BCLAF1: variants seen among roughly 807,000 people sequenced by gnomAD.
BCLAF1 encodes the protein bcl-2-associated transcription factor 1.
A neutral mutation model predicts 99.5 loss-of-function variants in BCLAF1; 10 were observed. That is an observed-to-expected ratio of 0.10 (90% CI 0.06 to 0.17). BCLAF1 has a LOEUF of 0.17. Among genes scored for constraint, BCLAF1 ranks in the 10% least tolerant of loss-of-function variants. The probability of loss-of-function intolerance (pLI) is 1.00; values close to 1 mark genes in which losing one functional copy is unlikely to be tolerated. For missense variants in BCLAF1, 636 were observed against 1,105.8 expected, an observed-to-expected ratio of 0.58 and a Z score of 6.02; for synonymous variants, 255 against 370.9, an observed-to-expected ratio of 0.69 and a Z score of 3.59.
intron 3 of BCLAF1, among the ~76,000 whole-genome samples, chr6:136,279,097 A>G (rs781641658): frequency 4.6e-5 from 7 of 152,046 alleles, no homozygotes; most frequent in Non-Finnish European, 1.0e-4. Flanking sequence ...AAGCACTTAA[A>G]TTGATGTTGT....
At position 136,277,714 on chromosome 6, in the gene BCLAF1, T is replaced by C. The variant is rs534219668; in HGVS notation, c.1016+151A>G. On this transcript the variant is annotated intron_variant, in intron 4 of 12. Coordinates refer to ENST00000531224, the MANE Select transcript of BCLAF1 (RefSeq NM_014739.3). Reference sequence around the variant, plus strand: ...GCTTCCAAAGTTCACCAGATAAGAGTAAAAACAATTTGGAATTATCTTAAA... The same window carrying C: ...GCTTCCAAAGTTCACCAGATAAGAGCAAAAACAATTTGGAATTATCTTAAA... The C allele has an allele frequency of 9.2e-6, 10 of 1,082,872 alleles. No homozygotes were observed. The Admixed American group carries it at 2.1e-4, about 23-fold the overall frequency. 67.1% of individuals were successfully genotyped at this position (1,082,872 alleles called of 1,614,324 possible). A position where few individuals can be genotyped will look rare whatever the true frequency, so the allele number is the denominator to read the frequency against.
chr6:136,287,177 G>C, intron 1 of BCLAF1, among the ~76,000 whole-genome samples: 1 of 151,896 alleles, frequency 6.6e-6, no homozygotes, highest in Non-Finnish European at 1.5e-5. Context: ...ATGGTGGCGG[G>C]CCGGCGCCTG....
intron 7 of BCLAF1, 145 bp downstream of exon 7, chr6:136,272,937 A>G: frequency 1.9e-6 from 1 of 534,454 alleles, no homozygotes; most frequent in South Asian, 3.4e-5. Flanking sequence ...AGAATTTTCA[A>G]GACTTTGAAA....
chr6:136,284,799 G>A (rs1231750145), intron 1 of BCLAF1, among the ~76,000 whole-genome samples: 1 of 151,796 alleles, frequency 6.6e-6, no homozygotes, highest in Admixed American at 6.6e-5. Flanking sequence ...AGAAAACAAG[G>A]AAAAAATCAA....
chr6:136,264,323 CA>C (rs1242235247), intron 11 of BCLAF1, among the ~76,000 whole-genome samples: 3 of 152,172 alleles, frequency 2.0e-5, no homozygotes, highest in African/African-American at 7.2e-5. Context: ...TCTCCTGCCT[CA>C]GCCTCCCGAG....
chr6:136,262,850 AT>A (rs1359624735), intron 11 of BCLAF1, among the ~76,000 whole-genome samples: 1 of 152,110 alleles, frequency 6.6e-6, no homozygotes, highest in African/African-American at 2.4e-5. Flanking sequence ...TACACCATGG[AT>A]TCTGGGAAGA....
intron 9 of BCLAF1, chr6:136,268,550 C>T (rs966535609): frequency 2.0e-5 from 10 of 501,610 alleles, no homozygotes; most frequent in African/African-American, 3.9e-5. Context: ...CATGCTAGGG[C>T]CTGCCAGTTA....
intron 12 of BCLAF1, 47 bp from the exon 13 acceptor site, chr6:136,261,162 T>G: frequency 1.3e-6 from 2 of 1,565,674 alleles, no homozygotes; most frequent in South Asian, 2.4e-5. Context: ...ATGCGGAGAG[T>G]GAAAAGGAAC....
rs760134383 is a variant in BCLAF1 at position 136,267,038 on chromosome 6, C to T, written c.2535G>A (p.Lys845=). The T allele has an allele frequency of 6.2e-7, 1 of 1,612,920 alleles. No individual in the cohort carries two copies. The highest frequency in any genetic ancestry group is 8.5e-7 in the Non-Finnish European group (1 of 1,179,202). The change falls in exon 11 of 13, where the codon AAG becomes AAA. Residue 845 remains lysine (K), a synonymous_variant. Transcript: ENST00000531224. Reference sequence around the variant, plus strand: ...GATGTCTAACACCCACCAAGAAGTACTTCTTGCTCTTTGGGGTATATTCTG... The same window carrying T: ...GATGTCTAACACCCACCAAGAAGTATTTCTTGCTCTTTGGGGTATATTCTG... The part of the protein sequence containing the change: ...WDPEYTPKSK[K]YFLHDDRDDG...
rs974347626 is a variant in BCLAF1, at chr6:136,267,609, G to A, written c.2398-434C>T. ...CCAACTAGATACTCGCTCAAGGTAG[G>A]AGTGTGAATCTTGAAATTAAACAGG... On this transcript the variant is annotated intron_variant, in intron 10 of 12. Coordinates refer to ENST00000531224, the MANE Select transcript of BCLAF1 (RefSeq NM_014739.3). Among the ~76,000 whole-genome samples the A allele has an allele frequency of 2.6e-5, 4 of 151,746 alleles. No individual in the cohort carries two copies. In the East Asian group the frequency reaches 7.7e-4, roughly 29 times the overall value.
chr6:136,276,590 T>C lies in BCLAF1; in HGVS notation c.1017-82A>G, dbSNP rs1441411438. On this transcript the variant is annotated intron_variant, in intron 4 of 12. Coordinates refer to ENST00000531224, the MANE Select transcript of BCLAF1 (RefSeq NM_014739.3). ...TTCCATATTTAAATGTGTTGCCCAATCCCTCAGGACCAGCAAGAGAGAAAA... is the reference window on the plus strand; with the variant it reads ...TTCCATATTTAAATGTGTTGCCCAACCCCTCAGGACCAGCAAGAGAGAAAA... 5 of 1,454,864 alleles carry C rather than the reference T, an allele frequency of 3.4e-6. No homozygotes were observed. In the East Asian group the frequency reaches 6.9e-5, roughly 20 times the overall value. 90.1% of individuals were successfully genotyped at this position (1,454,864 alleles called of 1,614,324 possible).
intron 2 of BCLAF1, among the ~76,000 whole-genome samples, chr6:136,281,802 G>A (rs1784413189): frequency 6.6e-6 from 1 of 152,170 alleles, no homozygotes; most frequent in African/African-American, 2.4e-5. Flanking sequence ...GGCTTTTTCA[G>A]TCACCAGGAT....
At chr6:136,275,237 C>G (rs898520674) in intron 6 of BCLAF1, among the ~76,000 whole-genome samples, 1 of 152,074 alleles carries the variant, frequency 6.6e-6, no homozygotes, top group Non-Finnish European at 1.5e-5. Context: ...ATTACAATGA[C>G]ATACTTAAAA....
At position 136,258,227 on chromosome 6, in the gene BCLAF1, A is replaced by G. The variant is rs1335367243; in HGVS notation, c.*2883T>C. ...ATTTACTAGCTACTATGTTTTTAGA[A>G]AGAGAAGTAATCACCATATTATGGG... is the stretch of plus-strand genomic sequence containing the variant. On this transcript the variant is annotated 3_prime_UTR_variant, in exon 13 of 13. Transcript: ENST00000531224. The G allele has an allele frequency of 6.6e-6, 1 of 152,116 alleles. No individual in the cohort carries two copies. Among genetic ancestry groups the G allele is most frequent in the Non-Finnish European group, 1.5e-5 (1 of 67,938 alleles). The allele number at this position is 152,116 out of a possible 1,614,324, so 9.4% of individuals were successfully genotyped here.
intron 6 of BCLAF1, among the ~76,000 whole-genome samples, chr6:136,274,511 C>T (rs903370635): frequency 6.6e-6 from 1 of 151,908 alleles, no homozygotes; most frequent in Admixed American, 6.6e-5. Flanking sequence ...GTCTTGTTAC[C>T]GTGTTTAAAT....
Position 136,276,142 on chromosome 6 carries a change from A to C in BCLAF1, c.1383T>G (p.Leu461=), listed in dbSNP as rs758555828. 3 of 1,613,284 alleles carry C rather than the reference A, an allele frequency of 1.9e-6. No homozygotes were observed. Among genetic ancestry groups the C allele is most frequent in the Admixed American group, 1.7e-5 (1 of 59,752 alleles). The stretch of plus-strand genomic sequence containing the variant: ...TTTCCACTACATATCCAGTCTCTTT[A>C]AGTTTATAATTTTTTTCTTCTCTAA... ...DGFREEKNYK[L]KETGYVVERP... Residue 461 remains leucine (L), a synonymous_variant, in exon 5 of 13, where the codon CTT becomes CTG. Coordinates refer to ENST00000531224, the MANE Select transcript of BCLAF1 (RefSeq NM_014739.3).
chr6:136,279,652 G>T, intron 3 of BCLAF1, 111 bp downstream of exon 3: 1 of 1,115,026 alleles, frequency 9.0e-7, no homozygotes, highest in Non-Finnish European at 1.1e-6. Flanking sequence ...CATTTCACAG[G>T]GTTCTTTGAG....
intron 6 of BCLAF1, 111 bp from the exon 7 acceptor site, chr6:136,273,298 A>T: frequency 2.3e-6 from 2 of 887,162 alleles, no homozygotes; most frequent in Non-Finnish European, 3.5e-6. Context: ...TAAGAAACCT[A>T]GCAAAAGAGA....
intron 7 of BCLAF1, among the ~76,000 whole-genome samples, chr6:136,272,598 C>A (rs749361077): frequency 3.4e-4 from 51 of 151,920 alleles, no homozygotes; most frequent in Non-Finnish European, 6.3e-4. Context: ...CACTGCCACC[C>A]TGCAAAACTG....
Sources: allele counts gnomAD v4.1 joint callset (sites outside exome capture counted in the v4.1 genomes callset), GRCh38; gene constraint gnomAD v4.1.1; transcripts MANE v1.5; gene names NCBI Gene and HGNC (gene_info 2026-07-23, HGNC 2026-07-21).